The following INKA2 variants were observed in gnomAD, a reference collection of about 807,000 sequenced individuals.
The protein encoded by INKA2 is PAK4-inhibitor INKA2.
Under a neutral mutation model 9.8 loss-of-function variants are expected in INKA2, and 3 were observed. That is an observed-to-expected ratio of 0.31 (90% CI 0.14 to 0.79). The LOEUF is 0.79. Ranked by LOEUF, INKA2 falls within the 30% of genes least tolerant of loss-of-function variation. INKA2 has a pLI of 0.62. For synonymous variants in INKA2, 147 were observed against 143.3 expected, an observed-to-expected ratio of 1.03 and a Z score of -0.18; for missense variants, 392 against 384.4, an observed-to-expected ratio of 1.02 and a Z score of -0.17.
In INKA2 at chr1:111,739,325, TC is replaced by T; in HGVS notation, c.-84del. 1 of 1,583,548 alleles carries T rather than the reference TC, an allele frequency of 6.3e-7. No homozygotes were observed. Among genetic ancestry groups the T allele is most frequent in the Non-Finnish European group, 8.6e-7 (1 of 1,165,076 alleles). On this transcript the variant is annotated 5_prime_UTR_variant, in exon 1 of 2. Coordinates refer to ENST00000357260, the MANE Select transcript of INKA2 (RefSeq NM_019099.5). Reference sequence around the variant, plus strand: ...ACTGGAAACTGCGCTCCGGGCCGGCTCCCCGCCCCTGCGCCCGTAGCGCTCG... The same window carrying T: ...ACTGGAAACTGCGCTCCGGGCCGGCTCCCGCCCCTGCGCCCGTAGCGCTCG...
intron 1 of INKA2, among the ~76,000 whole-genome samples, chr1:111,731,786 T>A (rs1308903140): frequency 6.6e-6 from 1 of 152,264 alleles, no homozygotes; most frequent in Non-Finnish European, 1.5e-5. Flanking sequence ...AGTTTAAGAC[T>A]TCCCATGTAC....
At chr1:111,732,377 A>G (rs1015714869) in intron 1 of INKA2, among the ~76,000 whole-genome samples, 5 of 152,124 alleles carry the variant, frequency 3.3e-5, no homozygotes, top group African/African-American at 1.2e-4. Context: ...GAGTAGCTCT[A>G]AACCCATCTC....
upstream of INKA2, among the ~76,000 whole-genome samples, chr1:111,741,861 G>A (rs771437879): frequency 3.9e-5 from 6 of 152,086 alleles, no homozygotes; most frequent in Non-Finnish European, 5.9e-5. Flanking sequence ...GATTACAGGC[G>A]CATGCCATCA....
chr1:111,750,498 T>A (rs1663382384), intron 1 of INKA2, among the ~76,000 whole-genome samples: 1 of 152,160 alleles, frequency 6.6e-6, no homozygotes, highest in South Asian at 2.1e-4. Flanking sequence ...CTCAAGAATA[T>A]AACAATGAAA....
chr1:111,740,165 C>T (rs2101379360), upstream of INKA2: 1 of 152,452 alleles, frequency 6.6e-6, no homozygotes, highest in Admixed American at 6.5e-5. Flanking sequence ...GGTCGGGCTG[C>T]TTTCCCTGGG....
upstream of INKA2, among the ~76,000 whole-genome samples, chr1:111,742,313 G>A (rs1310230888): frequency 1.3e-5 from 2 of 152,036 alleles, no homozygotes; most frequent in Non-Finnish European, 2.9e-5. Flanking sequence ...TGGGCTGGGC[G>A]CAGTGACTCA....
intron 1 of INKA2, among the ~76,000 whole-genome samples, chr1:111,736,540 T>G (rs1385438903): frequency 1.3e-5 from 2 of 152,234 alleles, no homozygotes; most frequent in Non-Finnish European, 2.9e-5. Context: ...TATCCCACAG[T>G]GTCTGCAGAA....
intron 1 of INKA2, among the ~76,000 whole-genome samples, chr1:111,750,049 A>G (rs761877213): frequency 3.3e-5 from 5 of 152,266 alleles, no homozygotes; most frequent in Non-Finnish European, 7.3e-5. Context: ...CTGCCTGGAC[A>G]AGAATAAATT....
rs1663087742 is a variant in INKA2, at chr1:111,739,337, C to T, written c.-95G>A. The stretch of plus-strand genomic sequence containing the variant: ...GCTCCGGGCCGGCTCCCCGCCCCTG[C>T]GCCCGTAGCGCTCGCAGCGCGGAGC... On this transcript the variant is annotated 5_prime_UTR_variant, in exon 1 of 2. Coordinates refer to ENST00000357260, the MANE Select transcript of INKA2 (RefSeq NM_019099.5). The T allele has an allele frequency of 1.9e-6, 3 of 1,571,944 alleles. No homozygotes were observed. The highest frequency in any genetic ancestry group is 1.9e-4 in the Middle Eastern group (1 of 5,194).
At position 111,723,140 on chromosome 1, in the gene INKA2, C is replaced by T. The variant is rs1257960504; in HGVS notation, c.*3828G>A. On this transcript the variant is annotated 3_prime_UTR_variant, in exon 2 of 2. Coordinates refer to ENST00000357260, the MANE Select transcript of INKA2 (RefSeq NM_019099.5). ...ATGGGGAAGGCACCTGAGGTGGGTT[C>T]TGGCTGCTCTGGAGAAGGTGGGGAC... 1 of 695,694 alleles carries T rather than the reference C, an allele frequency of 1.4e-6. No individual in the cohort carries two copies. The highest frequency in any genetic ancestry group is 2.0e-5 in the Admixed American group (1 of 49,016). The allele number at this position is 695,694 out of a possible 1,614,324, so 43.1% of individuals were successfully genotyped here.
rs926985301 is a variant in INKA2 at position 111,749,128 on chromosome 1, C to G, written n.124+6573G>C. The stretch of plus-strand genomic sequence containing the variant: ...CACTGATGGCCCCACAGAGATAAAA[C>G]CAGTCTCCCTTATTGTCAGGAAACT... On this transcript the variant is annotated intron_variant and non_coding_transcript_variant, in intron 1 of 1. Transcript: ENST00000444059. 8.5e-5 allele frequency among the ~76,000 whole-genome samples: 13 copies of G among 152,322 alleles called. No homozygotes were observed. The South Asian group carries it at 1.4e-3, about 17-fold the overall frequency.
upstream of INKA2, chr1:111,739,442 G>T: frequency 7.0e-7 from 1 of 1,435,444 alleles, no homozygotes; most frequent in Non-Finnish European, 9.1e-7. Context: ...GGGGTGGAGG[G>T]AAAAGTGGGA....
intron 1 of INKA2, among the ~76,000 whole-genome samples, chr1:111,749,157 G>A (rs879782370): frequency 1.3e-5 from 2 of 152,332 alleles, no homozygotes; most frequent in East Asian, 1.9e-4. Flanking sequence ...GGAAACTGGG[G>A]TGGAGGGTGG....
chr1:111,746,429 T>C (rs1418909553), intron 1 of INKA2: 1 of 152,260 alleles, frequency 6.6e-6, no homozygotes, highest in Non-Finnish European at 1.5e-5. Flanking sequence ...TTCTCTGCTG[T>C]TGATTATTCT....
chr1:111,736,971 GGAGT>G (rs1428722979), intron 1 of INKA2, among the ~76,000 whole-genome samples: 4 of 152,152 alleles, frequency 2.6e-5, no homozygotes, highest in Non-Finnish European at 5.9e-5. Context: ...GAGGTGTCAG[GGAGT>G]GAGTGACACT....
rs1283684122 is a variant in INKA2, at chr1:111,725,957, G to A, written c.*1011C>T. On this transcript the variant is annotated 3_prime_UTR_variant, in exon 2 of 2. Transcript: ENST00000357260. Reference sequence around the variant, plus strand: ...TCACCATGTTGGCCAGGCTGGTCATGAACTCCTGACCCCAGGTAATCCGCC... The same window carrying A: ...TCACCATGTTGGCCAGGCTGGTCATAAACTCCTGACCCCAGGTAATCCGCC... The A allele has an allele frequency of 2.3e-5, 9 of 392,232 alleles. No individual in the cohort carries two copies. The East Asian group carries it at 3.3e-4, about 14-fold the overall frequency. The allele number at this position is 392,232 out of a possible 1,614,324, so 24.3% of individuals were successfully genotyped here. A position where few individuals can be genotyped will look rare whatever the true frequency, so the allele number is the denominator to read the frequency against.
At chr1:111,743,716 C>A (rs1663199651), upstream of INKA2, among the ~76,000 whole-genome samples, 1 of 152,194 alleles carries the variant, frequency 6.6e-6, no homozygotes, top group Non-Finnish European at 1.5e-5. Flanking sequence ...CTGGACAGCA[C>A]ATCCTGGTGC....
At chr1:111,743,551 T>C (rs990876827), upstream of INKA2, among the ~76,000 whole-genome samples, 14 of 152,220 alleles carry the variant, frequency 9.2e-5, no homozygotes, top group African/African-American at 3.4e-4. Flanking sequence ...GGAGCTCAGA[T>C]CCTATATTAA....
At chr1:111,733,027 G>A (rs1330300460) in intron 1 of INKA2, among the ~76,000 whole-genome samples, 1 of 152,180 alleles carries the variant, frequency 6.6e-6, no homozygotes, top group African/African-American at 2.4e-5. Context: ...GCTAAACTCT[G>A]AGGGGCTGGC....
Sources: gnomAD v4.1 joint callset for allele counts (sites outside exome capture counted in the v4.1 genomes callset) on GRCh38, gnomAD v4.1.1 for gene constraint, MANE v1.5 for transcripts, NCBI Gene and HGNC (gene_info 2026-07-23, HGNC 2026-07-21) for gene names.